PDZD7: variants seen among roughly 807,000 people sequenced by gnomAD.
PDZD7 encodes the protein PDZ domain containing 7.
A neutral mutation model predicts 84.7 loss-of-function variants in PDZD7; 72 were observed. The observed-to-expected ratio is 0.85, with a 90% confidence interval of 0.70 to 1.03. The LOEUF is 1.03. PDZD7 is among the 50% of genes least tolerant of loss of function. The pLI, the probability that PDZD7 is intolerant of heterozygous loss-of-function variation, is 0.00. For missense variants in PDZD7, 1,490 were observed against 1,412.9 expected, an observed-to-expected ratio of 1.05 and a Z score of -0.87; for synonymous variants, 594 against 580.7, an observed-to-expected ratio of 1.02 and a Z score of -0.33.
rs550062721 is a variant in PDZD7, at chr10:101,008,947, G to A, written c.2719-97C>T. 3.3e-4 allele frequency: 452 copies of A among 1,382,514 alleles called. No individual in the cohort carries two copies. In the African/African-American group the frequency reaches 6.1e-3, roughly 19 times the overall value. The allele number at this position is 1,382,514 out of a possible 1,614,324, so 85.6% of individuals were successfully genotyped here. The stretch of plus-strand genomic sequence containing the variant: ...GCATCTTCTCACCTCCACCCATGAG[G>A]ACACTCCTCCCCCATCTGGGTGGAG... On this transcript the variant is annotated intron_variant, in intron 16 of 16. Coordinates refer to ENST00000619208, the MANE Select transcript of PDZD7 (RefSeq NM_001195263.2).
intron 10 of PDZD7, among the ~76,000 whole-genome samples, chr10:101,016,145 C>G (rs1590053443): frequency 1.3e-5 from 2 of 152,208 alleles, no homozygotes; most frequent in African/African-American, 4.8e-5. Context: ...CTTTGGGAGT[C>G]CCAACACAAG....
chr10:101,027,913 G>A (rs1304202793), intron 2 of PDZD7, among the ~76,000 whole-genome samples: 2 of 152,166 alleles, frequency 1.3e-5, no homozygotes, highest in East Asian at 3.8e-4. Context: ...ATGCATTAAG[G>A]GTAATGCTTT....
rs4919512 is a variant in PDZD7 at position 101,030,695 on chromosome 10, T to C, written c.-165-311A>G. The C allele has an allele frequency of 0.55, 155,697 of 283,690 alleles. 46,163 individuals carry two copies. Among genetic ancestry groups the C allele is most frequent in the Non-Finnish European group, 0.64 (91,095 of 141,996 alleles). The allele number at this position is 283,690 out of a possible 1,614,324, so 17.6% of individuals were successfully genotyped here. A position where few individuals can be genotyped will look rare whatever the true frequency, so the allele number is the denominator to read the frequency against. ...CTGCGGGCCCTGGGGCTTAGAGAGG[T>C]GTGAGACAAAAGAGAGGTCAGGACA... is the stretch of plus-strand genomic sequence containing the variant. On this transcript the variant is annotated intron_variant, in intron 1 of 16. Coordinates refer to ENST00000619208, the MANE Select transcript of PDZD7 (RefSeq NM_001195263.2).
intron 11 of PDZD7, among the ~76,000 whole-genome samples, chr10:101,013,851 C>CTTTT (rs111945530): frequency 7.4e-6 from 1 of 134,666 alleles, no homozygotes; most frequent in Non-Finnish European, 1.6e-5. Context: ...TCTTTTCTTT[C>CTTTT]TTTTTTTTTT....
At chr10:101,025,070 T>C (rs1323866585) in intron 2 of PDZD7, among the ~76,000 whole-genome samples, 1 of 152,218 alleles carries the variant, frequency 6.6e-6, no homozygotes, top group East Asian at 1.9e-4. Context: ...AGCTACCCTG[T>C]GGAAGGCATT....
At chr10:101,010,160 G>T in intron 15 of PDZD7, 112 bp downstream of exon 15, 1 of 1,328,928 alleles carries the variant, frequency 7.5e-7, no homozygotes, top group African/African-American at 1.5e-5. Context: ...CTCCCAAAGT[G>T]CTGGGGTTAC....
intron 11 of PDZD7, among the ~76,000 whole-genome samples, chr10:101,014,148 C>T (rs567065064): frequency 3.9e-5 from 6 of 152,070 alleles, no homozygotes; most frequent in East Asian, 3.9e-4. Context: ...CGTGAGCCAC[C>T]GTGCCTGGCC....
In PDZD7 at chr10:101,008,220, T is replaced by G; in HGVS notation, c.*247A>C. 1 of 510,488 alleles carries G rather than the reference T, an allele frequency of 2.0e-6. No individual in the cohort carries two copies. Among genetic ancestry groups the G allele is most frequent in the South Asian group, 3.9e-5 (1 of 25,406 alleles). The allele number at this position is 510,488 out of a possible 1,614,324, so 31.6% of individuals were successfully genotyped here. A position where few individuals can be genotyped will look rare whatever the true frequency, so the allele number is the denominator to read the frequency against. On this transcript the variant is annotated 3_prime_UTR_variant, in exon 17 of 17. Coordinates refer to ENST00000619208, the MANE Select transcript of PDZD7 (RefSeq NM_001195263.2). ...GGCTTTCTCACCCCCTATCCTGGCT[T>G]GGGAGGTTGGGGAGCAGTGAGTGCA...
In PDZD7 at chr10:101,010,799, GC is replaced by G. The variant is rs1055318738; in HGVS notation, c.2089del (p.Ala697ProfsTer26). On this transcript the variant is annotated frameshift_variant, in exon 15 of 17. Coordinates refer to ENST00000619208, the MANE Select transcript of PDZD7 (RefSeq NM_001195263.2). LOFTEE classifies it high-confidence loss of function. ...AGAGGCACTTGGGGAGACCTTGAGG[GC>G]CCCCAGCCGCTCCCTCAGCTCCCCA... ...DNGELRERLG[A>X]LKVSPSASAP... The G allele has an allele frequency of 3.3e-5, 51 of 1,535,284 alleles. No homozygotes were observed. The Admixed American group carries it at 1.0e-3, about 30-fold the overall frequency.
chr10:101,030,020 A>T lies in PDZD7; in HGVS notation c.200T>A (p.Val67Asp). Residue 67 changes from valine to aspartate, a missense_variant, in exon 2 of 17, where the codon GTC (valine) becomes GAC (aspartate). Physicochemically the swap from Val to Asp is radical, Grantham distance 152. Transcript: ENST00000619208. Reference sequence around the variant, plus strand: ...TTCGATGGGGGAGTTGATGAGGATGACGCGTCCCATGGGCGATGAGGCTCG... The same window carrying T: ...TTCGATGGGGGAGTTGATGAGGATGTCGCGTCCCATGGGCGATGAGGCTCG... ...GIRASSPMGR[V>D]ILINSPIEAN... The T allele has an allele frequency of 6.9e-7, 1 of 1,458,032 alleles. No homozygotes were observed. The highest frequency in any genetic ancestry group is 9.2e-7 in the Non-Finnish European group (1 of 1,082,460). The allele number at this position is 1,458,032 out of a possible 1,614,324, so 90.3% of individuals were successfully genotyped here.
chr10:101,008,300 A>C lies in PDZD7; in HGVS notation c.*167T>G. ...TCCTTGGACACTAAGGCAGAGCCTT[A>C]ATGACAGCTGAGGAGGGAAGAAAGT... On this transcript the variant is annotated 3_prime_UTR_variant, in exon 17 of 17. Coordinates refer to ENST00000619208, the MANE Select transcript of PDZD7 (RefSeq NM_001195263.2). The C allele has an allele frequency of 1.4e-6, 1 of 734,920 alleles. No individual in the cohort carries two copies. The highest frequency in any genetic ancestry group is 2.2e-6 in the Non-Finnish European group (1 of 463,564). 45.5% of individuals were successfully genotyped at this position (734,920 alleles called of 1,614,324 possible). A position where few individuals can be genotyped will look rare whatever the true frequency, so the allele number is the denominator to read the frequency against.
chr10:101,011,567 G>A (rs1353011591), intron 14 of PDZD7, 123 bp downstream of exon 14: 43 of 1,463,576 alleles, frequency 2.9e-5, no homozygotes, highest in Non-Finnish European at 3.8e-5. Flanking sequence ...TTTCCTTCAG[G>A]GAACCACAAT....
At chr10:101,011,101 C>T (rs1361189900) in intron 14 of PDZD7, 5 of 1,396,380 alleles carry the variant, frequency 3.6e-6, no homozygotes, top group Admixed American at 3.0e-5. Context: ...GGCGTGGTGG[C>T]GCGATTTTGG....
intron 8 of PDZD7, 43 bp downstream of exon 8, chr10:101,018,779 C>A (rs769707366): frequency 2.8e-5 from 43 of 1,537,996 alleles, no homozygotes; most frequent in Non-Finnish European, 3.7e-5. Context: ...GGTTTTGGAC[C>A]AGAGGCTGTG....
rs11595628 is a variant in PDZD7, at chr10:101,012,454, A to G, written c.1750-196T>C. On this transcript the variant is annotated intron_variant, in intron 11 of 16. Coordinates refer to ENST00000619208, the MANE Select transcript of PDZD7 (RefSeq NM_001195263.2). ...GGTGACAGGGTGGAAGCCTGCAGTA[A>G]TAACAGACCTGCAATAAATGGCAAC... is the stretch of plus-strand genomic sequence containing the variant. 0.069 allele frequency among the ~76,000 whole-genome samples: 10,499 copies of G among 152,290 alleles called. 407 individuals carry two copies. Among genetic ancestry groups the G allele is most frequent in the African/African-American group, 0.081 (3,368 of 41,560 alleles).
At chr10:101,022,484 C>T in intron 4 of PDZD7, 99 bp from the exon 5 acceptor site, 1 of 1,430,550 alleles carries the variant, frequency 7.0e-7, no homozygotes, top group Non-Finnish European at 9.7e-7. Flanking sequence ...TGGGGGTTGC[C>T]TTTGGGGGAC....
intron 6 of PDZD7, among the ~76,000 whole-genome samples, chr10:101,021,320 T>G (rs1853080146): frequency 6.6e-6 from 1 of 152,052 alleles, no homozygotes; most frequent in Admixed American, 6.5e-5. Context: ...GGAGCCGGAA[T>G]GAGAAGACCT....
intron 6 of PDZD7, 133 bp from the exon 7 acceptor site, chr10:101,020,811 C>CTGTGCGGCCAGA: frequency 2.9e-6 from 2 of 695,756 alleles, no homozygotes; most frequent in Non-Finnish European, 5.0e-6. Flanking sequence ...ATGCTCTGGC[C>CTGTGCGGCCAGA]GCACAGGCCA....
At position 101,010,304 on chromosome 10, in the gene PDZD7, G is replaced by A. The variant is rs1416498839; in HGVS notation, c.2585C>T (p.Thr862Ile). The stretch of plus-strand genomic sequence containing the variant: ...CTGCTTCATCTTGGACAGTGTCACT[G>A]TCTTCAGCTCGCCACTGGGGTTCTT... ...AMKNPSGELKTVTLSKMKQSL... is the reference protein window; with the variant it reads ...AMKNPSGELKIVTLSKMKQSL... Residue 862 changes from threonine to isoleucine, a missense_variant, in exon 15 of 17, where the codon ACA (threonine) becomes ATA (isoleucine). By Grantham distance (89) the Thr-to-Ile change is moderately conservative. Transcript: ENST00000619208. 2.6e-6 allele frequency: 4 copies of A among 1,535,178 alleles called. No individual in the cohort carries two copies. The highest frequency in any genetic ancestry group is 3.5e-6 in the Non-Finnish European group (4 of 1,145,974).
Sources: allele counts gnomAD v4.1 joint callset (sites outside exome capture counted in the v4.1 genomes callset), GRCh38; gene constraint gnomAD v4.1.1; transcripts MANE v1.5; gene names NCBI Gene and HGNC (gene_info 2026-07-23, HGNC 2026-07-21).